Variants in RALGAPA1 observed in about 807,000 individuals in gnomAD.
RALGAPA1 encodes Ral GTPase activating protein catalytic subunit alpha 1.
A neutral mutation model predicts 269.6 loss-of-function variants in RALGAPA1; 52 were observed. The observed-to-expected ratio is 0.19, with a 90% confidence interval of 0.15 to 0.24. The LOEUF (loss-of-function observed/expected upper bound fraction) is 0.24, where lower values mean the gene tolerates loss of function less well. RALGAPA1 is among the 10% of genes least tolerant of loss of function. The probability of loss-of-function intolerance (pLI) is 1.00; values close to 1 mark genes in which losing one functional copy is unlikely to be tolerated. For synonymous variants in RALGAPA1, 817 were observed against 1,008.3 expected, an observed-to-expected ratio of 0.81 and a Z score of 3.60; for missense variants, 1,917 against 3,013.9, an observed-to-expected ratio of 0.64 and a Z score of 8.52.
chr14:35,592,335 A>G (rs2058687688), intron 37 of RALGAPA1, among the ~76,000 whole-genome samples: 1 of 152,238 alleles, frequency 6.6e-6, no homozygotes, highest in South Asian at 2.1e-4. Context: ...GAAAGTCTGA[A>G]CAGACCAATA....
At chr14:35,720,536 T>C (rs2069302220) in intron 16 of RALGAPA1, among the ~76,000 whole-genome samples, 2 of 152,346 alleles carry the variant, frequency 1.3e-5, no homozygotes, top group Admixed American at 6.5e-5. Context: ...TCTCTTTTCA[T>C]AGAAGCATTG....
At chr14:35,750,836 T>C in intron 8 of RALGAPA1, 146 bp from the exon 9 acceptor site, 7 of 681,226 alleles carry the variant, frequency 1.0e-5, no homozygotes, top group Admixed American at 6.2e-5. Flanking sequence ...ATTTCAAAAT[T>C]TGCCAGATGT....
chr14:35,627,460 G>A lies in RALGAPA1; in HGVS notation c.6487C>T (p.Leu2163Phe), dbSNP rs775418729. 17 of 1,613,474 alleles carry A rather than the reference G, an allele frequency of 1.1e-5. No homozygotes were observed. In the East Asian group the frequency reaches 3.8e-4, roughly 36 times the overall value. Reference protein sequence around the residue: ...CLEDITVKDGLSLQFKRFRET... With the variant: ...CLEDITVKDGFSLQFKRFRET... ...CTAAATCTTTTAAACTGGAGAGAAA[G>A]TCCATCTTTTACGGTTATATCTTCT... Residue 2163 changes from leucine (L) to phenylalanine (F), a missense_variant, in exon 34 of 42, where the codon CTT becomes TTT. Transcript: ENST00000680220.
At chr14:35,551,953 T>C (rs904393388) in intron 39 of RALGAPA1, among the ~76,000 whole-genome samples, 1 of 152,232 alleles carries the variant, frequency 6.6e-6, no homozygotes, top group Non-Finnish European at 1.5e-5. Flanking sequence ...TCATTAACGG[T>C]TGAATTTAAA....
intron 36 of RALGAPA1, 112 bp downstream of exon 36, chr14:35,605,471 AGTT>A (rs2059541427): frequency 1.9e-6 from 2 of 1,060,954 alleles, no homozygotes; most frequent in African/African-American, 1.6e-5. Flanking sequence ...ATAACAAACT[AGTT>A]GTTAAGTTGT....
Position 35,627,072 on chromosome 14 carries a change from T to C in RALGAPA1, c.6857+18A>G, listed in dbSNP as rs764985426. On this transcript the variant is annotated intron_variant, in intron 34 of 41. Transcript: ENST00000680220. ...CCGAAAAAAAAAAAAAAAGAAAAAA[T>C]TTCTCCCTTATGCTTACCGTTTGTC... 1.5e-6 allele frequency: 2 copies of C among 1,301,200 alleles called. No homozygotes were observed. The highest frequency in any genetic ancestry group is 3.3e-5 in the African/African-American group (2 of 60,662). 80.6% of individuals were successfully genotyped at this position (1,301,200 alleles called of 1,614,324 possible). A position where few individuals can be genotyped will look rare whatever the true frequency, so the allele number is the denominator to read the frequency against.
At chr14:35,640,155 C>G (rs4982298) in intron 31 of RALGAPA1, among the ~76,000 whole-genome samples, 17,466 of 151,780 alleles carry the variant, frequency 0.12, 1,088 homozygotes, top group South Asian at 0.13. Flanking sequence ...AAGTAAACAA[C>G]CTAACAATGC....
At chr14:35,663,308 G>T (rs537299204) in intron 27 of RALGAPA1, among the ~76,000 whole-genome samples, 1 of 151,884 alleles carries the variant, frequency 6.6e-6, no homozygotes, top group Non-Finnish European at 1.5e-5. Flanking sequence ...CATTGAACAC[G>T]TAATTACAAG....
intron 16 of RALGAPA1, among the ~76,000 whole-genome samples, chr14:35,702,724 A>AT (rs5807841): frequency 0.3 from 39,876 of 132,454 alleles, 6,144 homozygotes; most frequent in Admixed American, 0.4. Context: ...TTAAAAAAAA[A>AT]AAATATATAT....
intron 4 of RALGAPA1, chr14:35,766,300 C>A: frequency 1.1e-6 from 1 of 940,968 alleles, no homozygotes; most frequent in Non-Finnish European, 1.7e-6. Context: ...CCTACGGATT[C>A]TACCACAGCA....
chr14:35,710,995 A>G (rs1004553091), intron 16 of RALGAPA1, among the ~76,000 whole-genome samples: 5 of 152,252 alleles, frequency 3.3e-5, no homozygotes, highest in African/African-American at 1.2e-4. Flanking sequence ...TGTATGTCTC[A>G]GAATATATCC....
intron 10 of RALGAPA1, among the ~76,000 whole-genome samples, chr14:35,748,002 AC>A (rs879335244): frequency 6.6e-6 from 1 of 151,698 alleles, no homozygotes; most frequent in Non-Finnish European, 1.5e-5. Context: ...AGCAATAAAA[AC>A]CTCCCTTCTT....
chr14:35,760,918 C>T lies in RALGAPA1; in HGVS notation c.458G>A (p.Cys153Tyr), dbSNP rs371589913. The change falls in exon 6 of 42, where the codon TGC (cysteine) becomes TAC (tyrosine). Residue 153 changes from cysteine to tyrosine, a missense_variant. Physicochemically the swap from Cys to Tyr is radical, Grantham distance 194 (BLOSUM62 -2). This residue lies in a region of RALGAPA1 where 462 missense variants were observed against 725.6 expected (regional missense o/e 0.64). Transcript: ENST00000680220. Reference sequence around the variant, plus strand: ...TGGTGCTGAAAATCCAGGGATTAAGCATGAAAACATCCAGAGCTGTTCTTT... The same window carrying T: ...TGGTGCTGAAAATCCAGGGATTAAGTATGAAAACATCCAGAGCTGTTCTTT... ...CSKEQLWMFSCLIPGFSAPQS... is the reference protein window; with the variant it reads ...CSKEQLWMFSYLIPGFSAPQS... 1.2e-6 allele frequency: 2 copies of T among 1,611,138 alleles called. No individual in the cohort carries two copies. Among genetic ancestry groups the T allele is most frequent in the African/African-American group, 2.7e-5 (2 of 74,844 alleles).
intron 6 of RALGAPA1, 58 bp downstream of exon 6, chr14:35,760,771 C>T: frequency 7.8e-7 from 1 of 1,289,190 alleles, no homozygotes; most frequent in Non-Finnish European, 1.1e-6. Flanking sequence ...AAAAAATACA[C>T]TAAGAGACTA....
At position 35,728,352 on chromosome 14, in the gene RALGAPA1, AT is replaced by A; in HGVS notation, c.1736+9del. On this transcript the variant is annotated intron_variant, in intron 13 of 41. Coordinates refer to ENST00000680220, the MANE Select transcript of RALGAPA1 (RefSeq NM_001346249.2). ...AAACACATAGACATAAAGGATAAAA[AT>A]TTTTTTACCAAGTCTTTTTGTCCAT... The A allele has an allele frequency of 1.3e-6, 2 of 1,545,750 alleles. No homozygotes were observed. Among genetic ancestry groups the A allele is most frequent in the African/African-American group, 1.4e-5 (1 of 72,240 alleles).
At chr14:35,772,880 C>G (rs1275739799) in intron 3 of RALGAPA1, among the ~76,000 whole-genome samples, 1 of 152,086 alleles carries the variant, frequency 6.6e-6, no homozygotes, top group East Asian at 1.9e-4. Flanking sequence ...ATTTCCTTGT[C>G]TTCTCGTTGA....
At chr14:35,601,003 G>A (rs1450947423) in intron 36 of RALGAPA1, among the ~76,000 whole-genome samples, 1 of 152,178 alleles carries the variant, frequency 6.6e-6, no homozygotes, top group African/African-American at 2.4e-5. Flanking sequence ...GTGCTGACTT[G>A]TTTCTGTCAG....
chr14:35,771,848 T>G (rs2074654640), intron 3 of RALGAPA1, among the ~76,000 whole-genome samples: 2 of 152,174 alleles, frequency 1.3e-5, no homozygotes, highest in Admixed American at 1.3e-4. Context: ...TCCTAGAATT[T>G]CTATATTGTG....
intron 31 of RALGAPA1, among the ~76,000 whole-genome samples, chr14:35,637,655 G>A (rs958370453): frequency 1.2e-4 from 19 of 152,250 alleles, no homozygotes; most frequent in African/African-American, 4.3e-4. Context: ...AGTTTATTAA[G>A]AAGGATAAAA....
Sources: gnomAD v4.1 joint callset for allele counts (sites outside exome capture counted in the v4.1 genomes callset) on GRCh38, gnomAD v4.1.1 for gene constraint, gnomAD v4.1.1 regional missense constraint, MANE v1.5 for transcripts, NCBI Gene and HGNC (gene_info 2026-07-23, HGNC 2026-07-21) for gene names.